The following DCDC1 variants were observed in gnomAD, a reference collection of about 807,000 sequenced individuals.
DCDC1 encodes doublecortin domain containing 1.
Under a neutral mutation model 178.3 loss-of-function variants are expected in DCDC1, and 200 were observed. The ratio of observed to expected loss-of-function variants is 1.12; its 90% CI spans 1.00 to 1.26. The LOEUF (loss-of-function observed/expected upper bound fraction) is 1.26. Ranked by LOEUF, DCDC1 falls within the 50% of genes most tolerant of loss-of-function variation. The probability of loss-of-function intolerance (pLI) is 0.00; values close to 1 mark genes in which losing one functional copy is unlikely to be tolerated. For synonymous variants in DCDC1, 690 were observed against 604.8 expected (o/e 1.14, Z -2.07); for missense variants, 1,983 against 1,749.2 (o/e 1.13, Z -2.38).
intron 9 of DCDC1, among the ~76,000 whole-genome samples, chr11:31,185,352 T>C (rs1182989594): frequency 6.6e-6 from 1 of 152,118 alleles, no homozygotes; most frequent in Non-Finnish European, 1.5e-5. Context: ...GGCACGTGTA[T>C]AGCTATGTAA....
At chr11:31,058,055 G>T (rs908651343) in intron 20 of DCDC1, among the ~76,000 whole-genome samples, 9 of 152,060 alleles carry the variant, frequency 5.9e-5, no homozygotes, top group Admixed American at 5.9e-4. Flanking sequence ...CCATAAAATA[G>T]TGTTTAGAAC....
At chr11:31,206,046 C>A (rs540167989) in intron 9 of DCDC1, among the ~76,000 whole-genome samples, 4 of 152,042 alleles carry the variant, frequency 2.6e-5, no homozygotes, top group African/African-American at 9.7e-5. Flanking sequence ...AACATTACTG[C>A]GATAGATGAG....
chr11:31,345,212 G>C (rs2133249974), intron 1 of DCDC1, among the ~76,000 whole-genome samples: 1 of 152,214 alleles, frequency 6.6e-6, no homozygotes, highest in East Asian at 1.9e-4. Flanking sequence ...ATGTAAGACA[G>C]AGTAGCCTAT....
chr11:30,895,859 T>C (rs576755079), intron 34 of DCDC1, among the ~76,000 whole-genome samples: 1 of 152,322 alleles, frequency 6.6e-6, no homozygotes, highest in Admixed American at 6.5e-5. Context: ...CATTAATTTA[T>C]GGCCCATACA....
rs921934716 is a variant in DCDC1 at position 31,175,361 on chromosome 11, C to A, written c.1222-37577G>T. Among the ~76,000 whole-genome samples, 3 of 152,278 alleles carry A rather than the reference C, an allele frequency of 2.0e-5. No homozygotes were observed. In the South Asian group the frequency reaches 6.2e-4, roughly 32 times the overall value. Reference sequence around the variant, plus strand: ...TCAAAGCCTAGGCCAGATGAAAGGACCAAGACCCTAGCATCTGAACCCATG... The same window carrying A: ...TCAAAGCCTAGGCCAGATGAAAGGAACAAGACCCTAGCATCTGAACCCATG... On this transcript the variant is annotated intron_variant, in intron 9 of 38. Coordinates refer to ENST00000684477, the MANE Select transcript of DCDC1 (RefSeq NM_001387274.1).
intron 20 of DCDC1, among the ~76,000 whole-genome samples, chr11:30,976,184 T>C (rs758366324): frequency 7.9e-5 from 12 of 151,796 alleles, no homozygotes; most frequent in Non-Finnish European, 1.0e-4. Context: ...TAGACAAAAA[T>C]CAACTCAAGA....
intron 18 of DCDC1, among the ~76,000 whole-genome samples, chr11:31,066,989 A>G (rs1956285398): frequency 6.6e-6 from 1 of 152,170 alleles, no homozygotes. Context: ...GCCTTACTTT[A>G]TGCTTAATTT....
At chr11:30,905,314 G>C (rs893741561) in intron 30 of DCDC1, 150 bp from the exon 31 acceptor site, 2 of 876,980 alleles carry the variant, frequency 2.3e-6, no homozygotes, top group African/African-American at 3.4e-5. Flanking sequence ...GAATACTAGA[G>C]CCGGAAGGAT....
chr11:31,354,666 T>C (rs1951241078), intron 1 of DCDC1, among the ~76,000 whole-genome samples: 1 of 152,196 alleles, frequency 6.6e-6, no homozygotes, highest in Non-Finnish European at 1.5e-5. Context: ...TTCAATGTCG[T>C]AAGCCTTTTT....
At chr11:31,303,787 A>G (rs1467517565) in intron 6 of DCDC1, among the ~76,000 whole-genome samples, 1 of 152,108 alleles carries the variant, frequency 6.6e-6, no homozygotes, top group Admixed American at 6.6e-5. Flanking sequence ...TCTGTGTCCA[A>G]GCTCACCTAC....
At chr11:30,960,512 T>C (rs1183790141) in intron 20 of DCDC1, among the ~76,000 whole-genome samples, 1 of 152,154 alleles carries the variant, frequency 6.6e-6, no homozygotes, top group Non-Finnish European at 1.5e-5. Context: ...TGACAACACA[T>C]GTGCACAACA....
At chr11:31,149,745 C>T (rs948042637) in intron 9 of DCDC1, among the ~76,000 whole-genome samples, 3 of 151,812 alleles carry the variant, frequency 2.0e-5, no homozygotes, top group Non-Finnish European at 4.4e-5. Flanking sequence ...TCACTCACTG[C>T]GAAGGTCTGT....
At chr11:31,324,176 T>C (rs1036960191) in intron 3 of DCDC1, among the ~76,000 whole-genome samples, 1 of 152,044 alleles carries the variant, frequency 6.6e-6, no homozygotes, top group Admixed American at 6.6e-5. Flanking sequence ...ACATAGAATA[T>C]ATTCAATAAG....
intron 9 of DCDC1, among the ~76,000 whole-genome samples, chr11:31,231,846 A>G (rs1975809590): frequency 6.6e-6 from 1 of 152,256 alleles, no homozygotes; most frequent in South Asian, 2.1e-4. Flanking sequence ...GAAAGATAAA[A>G]TAAGATTTAA....
At chr11:31,300,160 T>C (rs12420218) in intron 6 of DCDC1, among the ~76,000 whole-genome samples, 7,948 of 152,200 alleles carry the variant, frequency 0.052, 549 homozygotes, top group African/African-American at 0.14. Flanking sequence ...CTGGCCGAGG[T>C]GTAAACTATT....
In DCDC1 at chr11:31,267,527, A is replaced by C. The variant is rs184666035; in HGVS notation, c.961-1927T>G. ...TTGAGCTTTCTAACTTATGAGGAAA[A>C]GATCATTCGCAACATCAATGCTTTA... On this transcript the variant is annotated intron_variant, in intron 7 of 38. Coordinates refer to ENST00000684477, the MANE Select transcript of DCDC1 (RefSeq NM_001387274.1). Among the ~76,000 whole-genome samples the C allele has an allele frequency of 2.2e-3, 330 of 152,356 alleles. 2 individuals carry two copies. The highest frequency in any genetic ancestry group is 7.3e-3 in the African/African-American group (302 of 41,588).
rs2616807 is a variant in DCDC1 at position 31,260,716 on chromosome 11, G to C, written c.1054+4791C>G. ...ACTAAGGATCTCCTCCCTTGAGAGG[G>C]AGAGTGACTCCTCTGGTTCACCATC... On this transcript the variant is annotated intron_variant, in intron 8 of 38. Transcript: ENST00000684477. Among the ~76,000 whole-genome samples the C allele has an allele frequency of 8.2e-3, 1,248 of 152,314 alleles. 13 individuals are homozygous for C. Among genetic ancestry groups the C allele is most frequent in the African/African-American group, 0.029 (1,189 of 41,574 alleles).
intron 9 of DCDC1, among the ~76,000 whole-genome samples, chr11:31,177,973 T>C (rs1265592729): frequency 2.0e-5 from 3 of 151,862 alleles, no homozygotes; most frequent in South Asian, 4.2e-4. Flanking sequence ...ATTGATCATC[T>C]AGACAAAAAA....
intron 9 of DCDC1, among the ~76,000 whole-genome samples, chr11:31,154,341 A>T (rs1965507015): frequency 6.6e-6 from 1 of 152,086 alleles, no homozygotes; most frequent in Non-Finnish European, 1.5e-5. Flanking sequence ...TCACACATAC[A>T]CTCAGACTCT....
Sources: allele counts gnomAD v4.1 joint callset (sites outside exome capture counted in the v4.1 genomes callset), GRCh38; gene constraint gnomAD v4.1.1; transcripts MANE v1.5; gene names NCBI Gene and HGNC (gene_info 2026-07-23, HGNC 2026-07-21).